Variants in ABCE1 observed in about 807,000 individuals in gnomAD.
ABCE1 encodes the protein ATP-binding cassette sub-family E member 1.
A neutral mutation model predicts 83.4 loss-of-function variants in ABCE1; 22 were observed. The observed-to-expected ratio is 0.26, with a 90% confidence interval of 0.19 to 0.38. The LOEUF is 0.38. ABCE1 is among the 10% of genes least tolerant of loss of function. The pLI is 1.00. For synonymous variants in ABCE1, 204 were observed against 233.7 expected (o/e 0.87, Z 1.16); for missense variants, 330 against 721.9 (o/e 0.46, Z 6.22).
At position 145,104,429 on chromosome 4, in the gene ABCE1, C is replaced by G. The variant is rs1458403285; in HGVS notation, c.17C>G (p.Thr6Arg). MADKL[T>R]RIAIVNHDKC... ...CGCCCAGTTATGGCAGACAAGTTAACGAGAATTGCTATTGTCAACCATGAC... is the reference window on the plus strand; with the variant it reads ...CGCCCAGTTATGGCAGACAAGTTAAGGAGAATTGCTATTGTCAACCATGAC... Residue 6 changes from threonine to arginine, a missense_variant, in exon 2 of 18, where the codon ACG (threonine) becomes AGG (arginine). Transcript: ENST00000296577. 3 of 1,599,148 alleles carry G rather than the reference C, an allele frequency of 1.9e-6. No individual in the cohort carries two copies.
intron 13 of ABCE1, chr4:145,122,229 T>C (rs1749766507): frequency 6.6e-6 from 1 of 152,254 alleles, no homozygotes; most frequent in South Asian, 2.1e-4. Context: ...ATGTTTTGTC[T>C]ACTTGGCTTA....
chr4:145,119,607 T>C (rs1749687607), intron 10 of ABCE1, among the ~76,000 whole-genome samples: 1 of 151,940 alleles, frequency 6.6e-6, no homozygotes, highest in South Asian at 2.1e-4. Flanking sequence ...GAAAATACTC[T>C]TACATATTTG....
chr4:145,113,252 A>G lies in ABCE1; in HGVS notation c.800+924A>G, dbSNP rs565510359. Among the ~76,000 whole-genome samples, 3 of 152,342 alleles carry G rather than the reference A, an allele frequency of 2.0e-5. No individual in the cohort carries two copies. In the South Asian group the frequency reaches 6.2e-4, roughly 32 times the overall value. ...CTTTCTCACTGAAAGGGCGAATTAG[A>G]AACAACTTGTCTATCATTGCACGGA... On this transcript the variant is annotated intron_variant, in intron 9 of 17. Transcript: ENST00000296577.
chr4:145,112,347 T>A lies in ABCE1; in HGVS notation c.800+19T>A. On this transcript the variant is annotated intron_variant, in intron 9 of 17. Transcript: ENST00000296577. ...CAGATAGGTAAGTAGAGATCTGGCA[T>A]ATTACTGTGTTGTTTTGTTTGGAGA... 5 of 1,468,832 alleles carry A rather than the reference T, an allele frequency of 3.4e-6. No homozygotes were observed. The highest frequency in any genetic ancestry group is 4.7e-6 in the Non-Finnish European group (5 of 1,071,156). The allele number at this position is 1,468,832 out of a possible 1,614,324, so 91.0% of individuals were successfully genotyped here. A position where few individuals can be genotyped will look rare whatever the true frequency, so the allele number is the denominator to read the frequency against.
intron 9 of ABCE1, among the ~76,000 whole-genome samples, chr4:145,113,879 C>T (rs1188901382): frequency 2.0e-5 from 3 of 152,036 alleles, no homozygotes; most frequent in African/African-American, 2.4e-5. Context: ...TACTAGAATA[C>T]AGCAGAGAGA....
rs142652157 is a variant in ABCE1, at chr4:145,114,416, A to G, written c.800+2088A>G. Among the ~76,000 whole-genome samples, 18 of 152,202 alleles carry G rather than the reference A, an allele frequency of 1.2e-4. No individual in the cohort carries two copies. In the East Asian group the frequency reaches 1.9e-3, roughly 16 times the overall value. On this transcript the variant is annotated intron_variant, in intron 9 of 17. Transcript: ENST00000296577. The stretch of plus-strand genomic sequence containing the variant: ...TTTTATACTAAAATGAAAGTCATAG[A>G]TAATATCTACGTTCATATAAAACTT...
intron 1 of ABCE1, among the ~76,000 whole-genome samples, chr4:145,104,006 A>G (rs543965958): frequency 6.6e-6 from 1 of 152,092 alleles, no homozygotes; most frequent in South Asian, 2.1e-4. Context: ...GATATTAACT[A>G]TTCTTTATTA....
At chr4:145,103,047 A>G (rs1308049018) in intron 1 of ABCE1, among the ~76,000 whole-genome samples, 1 of 152,136 alleles carries the variant, frequency 6.6e-6, no homozygotes, top group Non-Finnish European at 1.5e-5. Flanking sequence ...GAAATCTTCA[A>G]AGAATGAAAG....
At position 145,109,112 on chromosome 4, in the gene ABCE1, T is replaced by C; in HGVS notation, c.288-20T>C. ...TGTGTAAATCTGAGTTGTTTTATTATTTTTGTATACTTGTAACAGGTTGCC... is the reference window on the plus strand; with the variant it reads ...TGTGTAAATCTGAGTTGTTTTATTACTTTTGTATACTTGTAACAGGTTGCC... On this transcript the variant is annotated intron_variant, in intron 4 of 17. Transcript: ENST00000296577. 1 of 1,537,656 alleles carries C rather than the reference T, an allele frequency of 6.5e-7. No individual in the cohort carries two copies. The highest frequency in any genetic ancestry group is 9.0e-7 in the Non-Finnish European group (1 of 1,116,200).
chr4:145,110,578 C>T lies in ABCE1; in HGVS notation c.613+134C>T, dbSNP rs35133577. The T allele has an allele frequency of 2.7e-3, 2,219 of 811,844 alleles. 33 individuals are homozygous for T. In the African/African-American group the frequency reaches 0.034, roughly 12 times the overall value. 50.3% of individuals were successfully genotyped at this position (811,844 alleles called of 1,614,324 possible). On this transcript the variant is annotated intron_variant, in intron 7 of 17. Coordinates refer to ENST00000296577, the MANE Select transcript of ABCE1 (RefSeq NM_002940.3). Reference sequence around the variant, plus strand: ...ACAACCTCTGCCTCCCGGGTTCAAGCGATACTCCTGCCTCAGCCTCCCAAG... The same window carrying T: ...ACAACCTCTGCCTCCCGGGTTCAAGTGATACTCCTGCCTCAGCCTCCCAAG...
At position 145,110,400 on chromosome 4, in the gene ABCE1, G is replaced by T. The variant is rs1168123937; in HGVS notation, c.569G>T (p.Arg190Leu). 2 of 1,612,226 alleles carry T rather than the reference G, an allele frequency of 1.2e-6. No homozygotes were observed. The highest frequency in any genetic ancestry group is 1.7e-6 in the Non-Finnish European group (2 of 1,179,924). Residue 190 changes from arginine to leucine, a missense_variant, in exon 7 of 18, where the codon CGA becomes CTA. Coordinates refer to ENST00000296577, the MANE Select transcript of ABCE1 (RefSeq NM_002940.3). ...AKGTVGSILDRKDETKTQAIV... is the reference protein window; with the variant it reads ...AKGTVGSILDLKDETKTQAIV... ...GGGACAGTGGGATCTATTTTGGACCGAAAAGATGAAACAAAGACACAGGCA... is the reference window on the plus strand; with the variant it reads ...GGGACAGTGGGATCTATTTTGGACCTAAAAGATGAAACAAAGACACAGGCA...
At chr4:145,107,322 C>T (rs1749336535) in intron 3 of ABCE1, among the ~76,000 whole-genome samples, 1 of 152,004 alleles carries the variant, frequency 6.6e-6, no homozygotes, top group Non-Finnish European at 1.5e-5. Context: ...GATCCATGAC[C>T]TCAAACGACT....
chr4:145,115,249 G>T (rs895641948), intron 9 of ABCE1, among the ~76,000 whole-genome samples: 3 of 151,908 alleles, frequency 2.0e-5, no homozygotes, highest in Non-Finnish European at 2.9e-5. Context: ...GTTGGGGGCA[G>T]GAAGTTTGAC....
chr4:145,105,037 G>A (rs1051388040), intron 2 of ABCE1, among the ~76,000 whole-genome samples: 3 of 151,904 alleles, frequency 2.0e-5, no homozygotes, highest in African/African-American at 7.2e-5. Context: ...GTGAATATAC[G>A]AATGAGGCAT....
intron 2 of ABCE1, among the ~76,000 whole-genome samples, chr4:145,105,361 A>G (rs1247906707): frequency 6.6e-6 from 1 of 152,098 alleles, no homozygotes; most frequent in African/African-American, 2.4e-5. Context: ...AATTAAGTAA[A>G]ATAAATATAT....
chr4:145,107,609 G>C (rs1187479270), intron 3 of ABCE1, among the ~76,000 whole-genome samples: 1 of 151,998 alleles, frequency 6.6e-6, no homozygotes, highest in East Asian at 1.9e-4. Context: ...GAAATCACAG[G>C]TTCAAACTGT....
chr4:145,111,176 GTTCCTAAT>G, intron 8 of ABCE1, 112 bp downstream of exon 8: 1 of 660,070 alleles, frequency 1.5e-6, no homozygotes. Context: ...TAGTATCTAA[GTTCCTAAT>G]TTCGAGGTAA....
intron 9 of ABCE1, among the ~76,000 whole-genome samples, chr4:145,116,805 T>C (rs778510916): frequency 1.3e-5 from 2 of 151,950 alleles, no homozygotes; most frequent in African/African-American, 4.8e-5. Context: ...TATTTTGCCA[T>C]GTAATCTTTT....
intron 6 of ABCE1, 28 bp downstream of exon 6, chr4:145,110,268 G>A (rs767958181): frequency 5.0e-6 from 8 of 1,597,334 alleles, no homozygotes; most frequent in East Asian, 2.2e-5. Flanking sequence ...GGAACTTAAC[G>A]GATATTAGTA....
Sources: gnomAD v4.1 joint callset for allele counts (sites outside exome capture counted in the v4.1 genomes callset) on GRCh38, gnomAD v4.1.1 for gene constraint, MANE v1.5 for transcripts, NCBI Gene and HGNC (gene_info 2026-07-23, HGNC 2026-07-21) for gene names.